Variants in PPEF1 observed in about 807,000 individuals in gnomAD.
The protein encoded by PPEF1 is serine/threonine-protein phosphatase with EF-hands 1.
PPEF1 carries 12 observed loss-of-function variants against 53.3 expected under a neutral mutation model. That is an observed-to-expected ratio of 0.23 (90% confidence interval 0.14 to 0.36). The LOEUF (loss-of-function observed/expected upper bound fraction) is 0.36, where lower values mean the gene tolerates loss of function less well. PPEF1 is among the 10% of genes least tolerant of loss of function. The pLI is 1.00. For synonymous variants in PPEF1, 165 were observed against 176.7 expected (o/e 0.93, Z 0.52); for missense variants, 334 against 490.4 (o/e 0.68, Z 3.01).
chrX:18,713,178 A>C (rs1484044323), intron 1 of PPEF1, among the ~76,000 whole-genome samples: 1 of 111,714 alleles, frequency 9.0e-6, no homozygotes, highest in Non-Finnish European at 1.9e-5. Flanking sequence ...TTTTTGGAAG[A>C]GTTCATGAAG....
chrX:18,789,453 C>A (rs1323636769), intron 10 of PPEF1, among the ~76,000 whole-genome samples, 180 bp downstream of exon 10: 1 of 112,325 alleles, frequency 8.9e-6, no homozygotes, highest in East Asian at 2.8e-4. Context: ...ATGTAACTCA[C>A]CCATTTAAAG....
At chrX:18,780,407 A>G (rs753158376) in intron 7 of PPEF1, among the ~76,000 whole-genome samples, 2 of 112,571 alleles carry the variant, frequency 1.8e-5, no homozygotes, top group African/African-American at 3.2e-5. Flanking sequence ...ATGTGAAAGA[A>G]GTTCAGGAGG....
At chrX:18,720,071 A>G (rs1041233926) in intron 1 of PPEF1, among the ~76,000 whole-genome samples, 2 of 111,593 alleles carry the variant, frequency 1.8e-5, no homozygotes, top group Non-Finnish European at 3.8e-5. Context: ...CTGCCAAAAT[A>G]CACAACCTGA....
chrX:18,686,604 C>T (rs185866967), intron 3 of PPEF1, among the ~76,000 whole-genome samples: 61 of 110,788 alleles, frequency 5.5e-4, no homozygotes, highest in African/African-American at 1.6e-3. Context: ...TTGGGGGCTG[C>T]GTCAGTCCCA....
chrX:18,807,004 GTT>G (rs34182090), intron 12 of PPEF1, among the ~76,000 whole-genome samples: 1 of 47,317 alleles, frequency 2.1e-5, no homozygotes, highest in East Asian at 3.9e-4. Flanking sequence ...GTTTTTTTTG[GTT>G]TTTTTTTTGT....
intron 13 of PPEF1, among the ~76,000 whole-genome samples, chrX:18,822,515 T>C: frequency 9.4e-6 from 1 of 106,205 alleles, no homozygotes; most frequent in Non-Finnish European, 2.0e-5. Flanking sequence ...TGAGATTTCT[T>C]TTTTTTTTTT....
intron 1 of PPEF1, among the ~76,000 whole-genome samples, chrX:18,719,971 G>A (rs1255131664): frequency 1.8e-5 from 2 of 111,851 alleles, no homozygotes; most frequent in East Asian, 5.6e-4. Flanking sequence ...CCTTACCCAA[G>A]TGATCCAAGT....
At chrX:18,713,064 GA>G (rs1465617260) in intron 1 of PPEF1, among the ~76,000 whole-genome samples, 1 of 111,689 alleles carries the variant, frequency 9.0e-6, no homozygotes, top group African/African-American at 3.2e-5. Flanking sequence ...ATATTCATAA[GA>G]GATACTGATC....
intron 6 of PPEF1, among the ~76,000 whole-genome samples, chrX:18,776,383 C>T (rs1035326195): frequency 9.0e-6 from 1 of 110,926 alleles, no homozygotes; most frequent in Non-Finnish European, 1.9e-5. Context: ...TACAGGTGTG[C>T]ACCATCACAC....
At chrX:18,797,700 TTTATTA>T (rs1224762851) in intron 10 of PPEF1, among the ~76,000 whole-genome samples, 2 of 110,817 alleles carry the variant, frequency 1.8e-5, no homozygotes, top group Admixed American at 9.7e-5. Flanking sequence ...TATGTTCTTT[TTTATTA>T]TTATTATTAT....
upstream of PPEF1, among the ~76,000 whole-genome samples, chrX:18,706,818 CTTTTTTTTTTTTTTTT>C (rs767459911): frequency 4.3e-5 from 2 of 46,299 alleles, no homozygotes; most frequent in African/African-American, 1.6e-4. Context: ...TTCAAACCTC[CTTTTTTTTTTTTTTTT>C]TTTTTTTTTT....
intron 4 of PPEF1, 106 bp from the exon 5 acceptor site, chrX:18,757,521 A>T (rs1461846332): frequency 3.6e-6 from 2 of 549,408 alleles, no homozygotes; most frequent in Non-Finnish European, 6.2e-6. Flanking sequence ...ATCCTGAAAT[A>T]CAGCGACCTG....
intron 6 of PPEF1, 88 bp downstream of exon 6, chrX:18,761,664 T>C: frequency 1.5e-6 from 1 of 662,918 alleles, no homozygotes. Context: ...ACTAGAGATA[T>C]GTACTAATAC....
intron 3 of PPEF1, among the ~76,000 whole-genome samples, chrX:18,738,035 G>A (rs1471454550): frequency 9.1e-6 from 1 of 110,363 alleles, no homozygotes; most frequent in African/African-American, 3.3e-5. Context: ...CGTGAGATGG[G>A]TCTCCTGAAT....
chrX:18,682,169 T>C (rs1892076477), upstream of PPEF1, among the ~76,000 whole-genome samples: 2 of 112,576 alleles, frequency 1.8e-5, no homozygotes, highest in Non-Finnish European at 3.8e-5. Context: ...TGCTGCCTCC[T>C]CTGAGTACAT....
chrX:18,686,540 T>C (rs1339344385), intron 3 of PPEF1, among the ~76,000 whole-genome samples: 2 of 111,399 alleles, frequency 1.8e-5, no homozygotes, highest in African/African-American at 3.3e-5. Flanking sequence ...TTGCTGTTGC[T>C]TGGGGAGTGG....
intron 6 of PPEF1, among the ~76,000 whole-genome samples, chrX:18,773,738 A>G (rs1299058606): frequency 9.0e-6 from 1 of 111,494 alleles, no homozygotes; most frequent in Non-Finnish European, 1.9e-5. Flanking sequence ...GTATTTCTCA[A>G]ATAGCTATAA....
chrX:18,791,123 C>T (rs991413741), intron 10 of PPEF1, among the ~76,000 whole-genome samples: 12 of 112,191 alleles, frequency 1.1e-4, no homozygotes, highest in Non-Finnish European at 2.3e-4. Context: ...CAGTACTGTA[C>T]AATTTTGATT....
At chrX:18,776,458 A>C (rs2045967495) in intron 6 of PPEF1, among the ~76,000 whole-genome samples, 1 of 110,573 alleles carries the variant, frequency 9.0e-6, no homozygotes, top group Admixed American at 9.7e-5. Flanking sequence ...TCTGATCTTG[A>C]ACTCCTGGGC....
Sources: gnomAD v4.1 joint callset for allele counts (sites outside exome capture counted in the v4.1 genomes callset) on GRCh38, gnomAD v4.1.1 for gene constraint, MANE v1.5 for transcripts, NCBI Gene and HGNC (gene_info 2026-07-23, HGNC 2026-07-21) for gene names.